WAC: variants seen among roughly 807,000 people sequenced by gnomAD.
WAC encodes the protein WW domain-containing adapter protein with coiled-coil.
Under a neutral mutation model 79.6 loss-of-function variants are expected in WAC, and 11 were observed. That is an observed-to-expected ratio of 0.14 (90% CI 0.09 to 0.23). The LOEUF is 0.23. Ranked by LOEUF, WAC falls within the 10% of genes least tolerant of loss-of-function variation. The probability of loss-of-function intolerance (pLI) is 1.00; values close to 1 mark genes in which losing one functional copy is unlikely to be tolerated. For missense variants in WAC, 728 were observed against 773.5 expected (o/e 0.94, Z 0.70); for synonymous variants, 304 against 276.9 (o/e 1.10, Z -0.97).
chr10:28,535,407 G>T, intron 2 of WAC, 155 bp from the exon 3 acceptor site: 2 of 839,798 alleles, frequency 2.4e-6, no homozygotes. Context: ...TTTTTTGTCT[G>T]AGAAACTTTA....
chr10:28,618,769 C>T (rs535485786), intron 13 of WAC, among the ~76,000 whole-genome samples: 1 of 152,248 alleles, frequency 6.6e-6, no homozygotes, highest in South Asian at 2.1e-4. Context: ...TGGTTTTTGG[C>T]TTCATTTTTA....
At chr10:28,608,475 C>CA in intron 8 of WAC, 44 bp downstream of exon 8, 1 of 1,516,970 alleles carries the variant, frequency 6.6e-7, no homozygotes, top group Non-Finnish European at 8.9e-7. Context: ...TTGCATTGTG[C>CA]AAAGTTATGT....
At chr10:28,596,444 TTTC>T (rs1840373435) in intron 7 of WAC, among the ~76,000 whole-genome samples, 1 of 152,186 alleles carries the variant, frequency 6.6e-6, no homozygotes. Flanking sequence ...CTGTATAACA[TTTC>T]ATTATTGGTT....
chr10:28,540,565 A>AG (rs1360964821), intron 3 of WAC, among the ~76,000 whole-genome samples: 3 of 152,252 alleles, frequency 2.0e-5, no homozygotes, highest in African/African-American at 7.2e-5. Context: ...AGATTTCACT[A>AG]GGAAAAGTCC....
chr10:28,535,964 C>T, intron 3 of WAC: 3 of 434,880 alleles, frequency 6.9e-6, no homozygotes, highest in Non-Finnish European at 1.2e-5. Flanking sequence ...CTCTTAAGGC[C>T]AGGCGCGGTG....
In WAC at chr10:28,604,241, T is replaced by G. The variant is rs1343322856; in HGVS notation, c.920-3945T>G. Among the ~76,000 whole-genome samples the G allele has an allele frequency of 2.0e-5, 3 of 150,982 alleles. No individual in the cohort carries two copies. The South Asian group carries it at 6.3e-4, about 31-fold the overall frequency. The stretch of plus-strand genomic sequence containing the variant: ...TACCTTCCCAGCATTATCAGGTGTT[T>G]TTTTTTTTTTTATTGTTTAGCATTA... On this transcript the variant is annotated intron_variant, in intron 7 of 13. Coordinates refer to ENST00000354911, the MANE Select transcript of WAC (RefSeq NM_016628.5).
At chr10:28,555,601 T>TA (rs1837938667) in intron 3 of WAC, among the ~76,000 whole-genome samples, 1 of 152,114 alleles carries the variant, frequency 6.6e-6, no homozygotes, top group Non-Finnish European at 1.5e-5. Flanking sequence ...TAAGGAAACA[T>TA]ACAGTGGTGA....
chr10:28,616,435 C>A, intron 12 of WAC, 73 bp downstream of exon 12: 1 of 1,182,858 alleles, frequency 8.5e-7, no homozygotes, highest in Non-Finnish European at 1.1e-6. Flanking sequence ...TCTAGAGAAT[C>A]TAATGTGACC....
At chr10:28,581,252 T>G (rs1839519756) in intron 3 of WAC, among the ~76,000 whole-genome samples, 2 of 142,294 alleles carry the variant, frequency 1.4e-5, no homozygotes, top group East Asian at 2.0e-4. Context: ...TTTTTTTTTT[T>G]TTTTTTTTTT....
In WAC at chr10:28,538,727, TAAA is replaced by T. The variant is rs769305469; in HGVS notation, c.274+2982_274+2984del. ...CAACATAGCAAGACCCTGTGTCTACTAAAAAAAAAAAAAATTTTTTTTTTGATT... is the reference window on the plus strand; with the variant it reads ...CAACATAGCAAGACCCTGTGTCTACTAAAAAAAAAAATTTTTTTTTTGATT... On this transcript the variant is annotated intron_variant, in intron 3 of 13. Transcript: ENST00000354911. 2.8e-5 allele frequency among the ~76,000 whole-genome samples: 4 copies of T among 143,392 alleles called. No homozygotes were observed. In the South Asian group the frequency reaches 8.9e-4, roughly 32 times the overall value. The allele number at this position is 143,392 out of a possible 152,430, so 94.1% of individuals were successfully genotyped here.
At chr10:28,604,850 C>A (rs1379490305) in intron 7 of WAC, among the ~76,000 whole-genome samples, 2 of 152,112 alleles carry the variant, frequency 1.3e-5, no homozygotes, top group Non-Finnish European at 2.9e-5. Flanking sequence ...GCACTCCAAA[C>A]CAAAGGGGAG....
At position 28,589,861 on chromosome 10, in the gene WAC, T is replaced by G; in HGVS notation, c.497+10T>G. On this transcript the variant is annotated intron_variant, in intron 5 of 13. Coordinates refer to ENST00000354911, the MANE Select transcript of WAC (RefSeq NM_016628.5). ...AAGAGTGGCTTGAAAGGTAATTAGC[T>G]TTTAATCTAATTAAACATTATTTCT... 9.6e-6 allele frequency: 15 copies of G among 1,556,744 alleles called. No individual in the cohort carries two copies. The highest frequency in any genetic ancestry group is 1.2e-5 in the Non-Finnish European group (14 of 1,128,386).
At chr10:28,589,445 G>C (rs1839983977) in intron 4 of WAC, 1 of 189,020 alleles carries the variant, frequency 5.3e-6, no homozygotes, top group African/African-American at 2.4e-5. Flanking sequence ...ATTGTGGTGG[G>C]AGATTTTGTC....
Position 28,595,810 on chromosome 10 carries a change from A to G in WAC, c.688A>G (p.Arg230Gly). 1 of 1,614,184 alleles carries G rather than the reference A, an allele frequency of 6.2e-7. No homozygotes were observed. The highest frequency in any genetic ancestry group is 8.5e-7 in the Non-Finnish European group (1 of 1,180,030). ...GTCTCAAACAAGCAGACACAATGACAGAGACTACAGACTGCCAAGAGCAGA... is the reference window on the plus strand; with the variant it reads ...GTCTCAAACAAGCAGACACAATGACGGAGACTACAGACTGCCAAGAGCAGA... ...ILSQTSRHNDRDYRLPRAETH... is the reference protein window; with the variant it reads ...ILSQTSRHNDGDYRLPRAETH... Residue 230 changes from arginine to glycine, a missense_variant, in exon 7 of 14, where the codon AGA becomes GGA. Arg to Gly is a moderately radical substitution (Grantham distance 125). Coordinates refer to ENST00000354911, the MANE Select transcript of WAC (RefSeq NM_016628.5).
intron 3 of WAC, among the ~76,000 whole-genome samples, chr10:28,575,307 T>C (rs2132575277): frequency 6.6e-6 from 1 of 152,318 alleles, no homozygotes; most frequent in South Asian, 2.1e-4. Context: ...CATCTTTACG[T>C]CCCCGAGTAC....
chr10:28,573,093 CT>C (rs1839062057), intron 3 of WAC, among the ~76,000 whole-genome samples: 1 of 143,658 alleles, frequency 7.0e-6, no homozygotes, highest in Non-Finnish European at 1.5e-5. Context: ...CCAGCCATCT[CT>C]TTTAAAAAAT....
chr10:28,569,738 G>A (rs1023700107), intron 3 of WAC, among the ~76,000 whole-genome samples: 4 of 152,162 alleles, frequency 2.6e-5, no homozygotes, highest in African/African-American at 9.7e-5. Context: ...TAGAGATGTT[G>A]TCATACATAT....
chr10:28,552,655 A>C (rs573319751), intron 3 of WAC, among the ~76,000 whole-genome samples: 2 of 152,166 alleles, frequency 1.3e-5, no homozygotes, highest in East Asian at 3.9e-4. Flanking sequence ...TCTAATGTGT[A>C]TGAGGAATTT....
rs1840500953 is a variant in WAC, at chr10:28,598,784, CAGAGT to C, written c.919+2747_919+2751del. 2.0e-5 allele frequency among the ~76,000 whole-genome samples: 3 copies of C among 152,290 alleles called. No homozygotes were observed. The South Asian group carries it at 6.2e-4, about 32-fold the overall frequency. On this transcript the variant is annotated intron_variant, in intron 7 of 13. Transcript: ENST00000354911. ...GACGCTCGTAATGTAAAATTTCTGA[CAGAGT>C]AGATTCGAGTTTAAATTTCACGAAG...
Sources: allele counts gnomAD v4.1 joint callset (sites outside exome capture counted in the v4.1 genomes callset), GRCh38; gene constraint gnomAD v4.1.1; transcripts MANE v1.5; gene names NCBI Gene and HGNC (gene_info 2026-07-23, HGNC 2026-07-21).